The following B3GLCT variants were observed in gnomAD, a reference collection of about 807,000 sequenced individuals.
B3GLCT encodes the protein beta 3-glucosyltransferase, also known as beta-1,3-glucosyltransferase.
A neutral mutation model predicts 63.4 loss-of-function variants in B3GLCT; 65 were observed. The ratio of observed to expected loss-of-function variants is 1.03; its 90% CI spans 0.84 to 1.26. B3GLCT has a LOEUF of 1.26. Among genes scored for constraint, B3GLCT ranks in the 50% most tolerant of loss-of-function variants. B3GLCT has a pLI of 0.00. For synonymous variants in B3GLCT, 233 were observed against 219.2 expected (o/e 1.06, Z -0.55); for missense variants, 577 against 604.8 (o/e 0.95, Z 0.48).
chr13:31,246,876 C>A (rs1350424982), intron 4 of B3GLCT, 147 bp from the exon 5 acceptor site: 2 of 654,304 alleles, frequency 3.1e-6, no homozygotes, highest in African/African-American at 1.8e-5. Context: ...TGAAGAGTAC[C>A]ATGTCAGGTC....
At chr13:31,281,694 AGAGAAGTGCAATCAGGGTCTTATTTT>A (rs1342741542) in intron 10 of B3GLCT, among the ~76,000 whole-genome samples, 1 of 152,226 alleles carries the variant, frequency 6.6e-6, no homozygotes, top group Non-Finnish European at 1.5e-5. Flanking sequence ...GCTCCTGAGA[AGAGAAGTGCAATCAGGGTCTTATTTT>A]GTGACCACTG....
intron 8 of B3GLCT, among the ~76,000 whole-genome samples, chr13:31,273,583 C>T (rs1280754732): frequency 3.3e-5 from 5 of 151,732 alleles, no homozygotes; most frequent in African/African-American, 1.2e-4. Context: ...GGCTCTTGTT[C>T]GTTATCTTAT....
chr13:31,296,087 C>T (rs1873927972), intron 12 of B3GLCT, among the ~76,000 whole-genome samples: 1 of 152,192 alleles, frequency 6.6e-6, no homozygotes, highest in African/African-American at 2.4e-5. Context: ...TCCCCTTGTG[C>T]TTCCCAGGTA....
intron 1 of B3GLCT, among the ~76,000 whole-genome samples, chr13:31,214,143 A>G (rs920891388): frequency 6.6e-6 from 1 of 152,162 alleles, no homozygotes; most frequent in African/African-American, 2.4e-5. Flanking sequence ...CTCCTTGTAC[A>G]TTATTGTTCC....
chr13:31,265,129 G>A (rs1299136365), intron 7 of B3GLCT, among the ~76,000 whole-genome samples: 1 of 152,182 alleles, frequency 6.6e-6, no homozygotes, highest in East Asian at 1.9e-4. Context: ...TGGGCCAACT[G>A]CATGTGTGTT....
In B3GLCT at chr13:31,331,781, G is replaced by T; in HGVS notation, c.*2113G>T. ...ATTTTAGAATCGATTCCCATCTAAAGAACTCAATTTTGAGTCTGACATTTC... is the reference window on the plus strand; with the variant it reads ...ATTTTAGAATCGATTCCCATCTAAATAACTCAATTTTGAGTCTGACATTTC... On this transcript the variant is annotated 3_prime_UTR_variant, in exon 15 of 15. Coordinates refer to ENST00000343307, the MANE Select transcript of B3GLCT (RefSeq NM_194318.4). The T allele has an allele frequency of 6.6e-6, 1 of 152,156 alleles. No homozygotes were observed. The highest frequency in any genetic ancestry group is 1.5e-5 in the Non-Finnish European group (1 of 68,024). The allele number at this position is 152,156 out of a possible 1,614,324, so 9.4% of individuals were successfully genotyped here.
chr13:31,324,335 C>G (rs1419974802), intron 14 of B3GLCT, among the ~76,000 whole-genome samples: 1 of 152,136 alleles, frequency 6.6e-6, no homozygotes, highest in African/African-American at 2.4e-5. Context: ...GCTTTTTCTC[C>G]TTCACTTGCC....
At chr13:31,264,785 A>T (rs1372633370) in intron 7 of B3GLCT, among the ~76,000 whole-genome samples, 2 of 152,230 alleles carry the variant, frequency 1.3e-5, no homozygotes, top group East Asian at 3.8e-4. Flanking sequence ...TTCAAAGCTA[A>T]TGTGCTGACT....
At chr13:31,285,768 G>A (rs553417389) in intron 11 of B3GLCT, among the ~76,000 whole-genome samples, 3 of 152,242 alleles carry the variant, frequency 2.0e-5, no homozygotes, top group Non-Finnish European at 2.9e-5. Context: ...ACAAGGTTAA[G>A]TGTATTACTG....
intron 4 of B3GLCT, among the ~76,000 whole-genome samples, chr13:31,235,465 C>T (rs373708409): frequency 6.6e-6 from 1 of 151,874 alleles, no homozygotes; most frequent in Non-Finnish European, 1.5e-5. Flanking sequence ...AAGGGCCATA[C>T]GAAGGGATAC....
intron 4 of B3GLCT, among the ~76,000 whole-genome samples, chr13:31,235,174 C>G (rs542124706): frequency 6.6e-6 from 1 of 152,130 alleles, no homozygotes; most frequent in African/African-American, 2.4e-5. Flanking sequence ...CCAGCTGGGA[C>G]TCAGATGAGG....
rs115088733 is a variant in B3GLCT at position 31,228,879 on chromosome 13, C to G, written c.161-306C>G. Among the ~76,000 whole-genome samples the G allele has an allele frequency of 1.7e-3, 253 of 152,298 alleles. 1 individual carries two copies. The highest frequency in any genetic ancestry group is 5.9e-3 in the African/African-American group (247 of 41,580). On this transcript the variant is annotated intron_variant, in intron 3 of 14. Transcript: ENST00000343307. ...TTCAGCTACTGGGAAGATTAGTGTT[C>G]TAGATATTTTCACACATTTTCAGCC...
intron 6 of B3GLCT, among the ~76,000 whole-genome samples, chr13:31,256,422 G>C (rs1236612028): frequency 1.3e-5 from 2 of 152,108 alleles, no homozygotes; most frequent in African/African-American, 4.8e-5. Context: ...CCATTACTGG[G>C]TATATACCCA....
intron 12 of B3GLCT, among the ~76,000 whole-genome samples, chr13:31,297,492 A>C (rs1477981521): frequency 1.3e-5 from 2 of 151,410 alleles, no homozygotes; most frequent in Non-Finnish European, 2.9e-5. Flanking sequence ...CTGTTCTCAC[A>C]CTGCAATAAT....
chr13:31,241,266 C>T (rs769928709), intron 4 of B3GLCT, among the ~76,000 whole-genome samples: 1 of 152,216 alleles, frequency 6.6e-6, no homozygotes, highest in Non-Finnish European at 1.5e-5. Flanking sequence ...TTCCCAAGCT[C>T]AGGGGAGGGT....
intron 6 of B3GLCT, among the ~76,000 whole-genome samples, chr13:31,253,117 G>A (rs1213036651): frequency 2.0e-5 from 3 of 152,144 alleles, no homozygotes; most frequent in Non-Finnish European, 4.4e-5. Flanking sequence ...TGACTACTGG[G>A]TAAATAACGA....
chr13:31,292,352 T>C (rs1399335458), intron 12 of B3GLCT, among the ~76,000 whole-genome samples: 1 of 152,214 alleles, frequency 6.6e-6, no homozygotes, highest in Non-Finnish European at 1.5e-5. Flanking sequence ...ATTCCCTCTC[T>C]TTTTATTGTT....
intron 12 of B3GLCT, among the ~76,000 whole-genome samples, chr13:31,297,240 G>A (rs1304186641): frequency 6.6e-6 from 1 of 152,038 alleles, no homozygotes; most frequent in African/African-American, 2.4e-5. Context: ...TGAATGACTA[G>A]ATCATATGGT....
intron 1 of B3GLCT, among the ~76,000 whole-genome samples, chr13:31,212,751 C>G (rs547403712): frequency 4.8e-4 from 73 of 152,304 alleles, no homozygotes; most frequent in Middle Eastern, 3.4e-3. Context: ...GTTAGTTTGA[C>G]CACAGTTTTT....
Sources: gnomAD v4.1 joint callset for allele counts (sites outside exome capture counted in the v4.1 genomes callset) on GRCh38, gnomAD v4.1.1 for gene constraint, MANE v1.5 for transcripts, NCBI Gene and HGNC (gene_info 2026-07-23, HGNC 2026-07-21) for gene names.